DCUN1D4: variants seen among roughly 807,000 people sequenced by gnomAD.
DCUN1D4 encodes defective in cullin neddylation 1 domain containing 4, also known as DCN1-like protein 4.
Under a neutral mutation model 47.9 loss-of-function variants are expected in DCUN1D4, and 22 were observed. The observed-to-expected ratio is 0.46, with a 90% CI of 0.33 to 0.66. The LOEUF (loss-of-function observed/expected upper bound fraction) is 0.66, where lower values mean the gene tolerates loss of function less well. Ranked by LOEUF, DCUN1D4 falls within the 30% of genes least tolerant of loss-of-function variation. The probability of loss-of-function intolerance (pLI) is 0.02; values close to 1 mark genes in which losing one functional copy is unlikely to be tolerated. For missense variants in DCUN1D4, 301 were observed against 340.8 expected, an observed-to-expected ratio of 0.88 and a Z score of 0.92; for synonymous variants, 121 against 112.2, an observed-to-expected ratio of 1.08 and a Z score of -0.50.
At chr4:51,867,929 G>T (rs555947501) in intron 3 of DCUN1D4, among the ~76,000 whole-genome samples, 1 of 152,352 alleles carries the variant, frequency 6.6e-6, no homozygotes, top group Non-Finnish European at 1.5e-5. Flanking sequence ...GCACCTGCAG[G>T]TCTGCGCCAA....
intron 3 of DCUN1D4, among the ~76,000 whole-genome samples, chr4:51,866,757 C>T (rs749563927): frequency 3.3e-5 from 5 of 152,160 alleles, no homozygotes; most frequent in Admixed American, 6.5e-5. Context: ...TTCAGTTAAA[C>T]GAAAGTATAC....
intron 7 of DCUN1D4, among the ~76,000 whole-genome samples, chr4:51,894,120 C>T (rs1228828099): frequency 1.3e-5 from 2 of 152,132 alleles, no homozygotes. Context: ...GTGATTGCCA[C>T]TTGATCCTTG....
At chr4:51,911,049 T>A in intron 8 of DCUN1D4, 21 bp from the exon 9 acceptor site, 1 of 1,610,886 alleles carries the variant, frequency 6.2e-7, no homozygotes, top group Admixed American at 1.7e-5. Context: ...TGGCTCATCC[T>A]TGTTTTTGTT....
rs538162953 is a variant in DCUN1D4 at position 51,856,768 on chromosome 4, C to T, written c.26-6669C>T. 3.0e-4 allele frequency among the ~76,000 whole-genome samples: 46 copies of T among 152,292 alleles called. No homozygotes were observed. In the South Asian group the frequency reaches 9.3e-3, roughly 31 times the overall value. On this transcript the variant is annotated intron_variant, in intron 1 of 10. Transcript: ENST00000334635. ...TCACATGCAGTCCTGTTAGTTTTTC[C>T]TTACACTGCAATCACATTTTATATA...
intron 3 of DCUN1D4, among the ~76,000 whole-genome samples, chr4:51,869,831 G>C (rs1406942217): frequency 2.0e-5 from 3 of 152,126 alleles, no homozygotes; most frequent in Non-Finnish European, 2.9e-5. Flanking sequence ...GGGAAGAAAA[G>C]CTCTATTCAT....
In DCUN1D4 at chr4:51,901,040, G is replaced by A. The variant is rs563138883; in HGVS notation, c.615+1662G>A. ...TTGGTGCCTCCACTGCAGCCTCACCGGTGGAGGCCTTGCTTCTCCTTACCA... is the reference window on the plus strand; with the variant it reads ...TTGGTGCCTCCACTGCAGCCTCACCAGTGGAGGCCTTGCTTCTCCTTACCA... On this transcript the variant is annotated intron_variant, in intron 8 of 10. Transcript: ENST00000334635. Among the ~76,000 whole-genome samples, 44 of 152,156 alleles carry A rather than the reference G, an allele frequency of 2.9e-4. No homozygotes were observed. The East Asian group carries it at 6.2e-3, about 21-fold the overall frequency.
intron 1 of DCUN1D4, among the ~76,000 whole-genome samples, chr4:51,844,060 AGAG>A (rs1464125289): frequency 7.2e-6 from 1 of 138,850 alleles, no homozygotes; most frequent in Non-Finnish European, 1.5e-5. Flanking sequence ...ATTGGGAGGA[AGAG>A]GAGAAAAAGG....
At chr4:51,876,508 A>G (rs902562457) in intron 4 of DCUN1D4, among the ~76,000 whole-genome samples, 3 of 152,176 alleles carry the variant, frequency 2.0e-5, no homozygotes, top group Non-Finnish European at 4.4e-5. Flanking sequence ...AACATGGCAC[A>G]CGTATACATA....
chr4:51,863,874 C>T (rs182152245), intron 3 of DCUN1D4, among the ~76,000 whole-genome samples, 165 bp downstream of exon 3: 79 of 152,304 alleles, frequency 5.2e-4, no homozygotes, highest in Non-Finnish European at 9.3e-4. Flanking sequence ...CATGTTATAG[C>T]TTCTTCCCAG....
At chr4:51,901,351 A>G (rs1017213602) in intron 8 of DCUN1D4, among the ~76,000 whole-genome samples, 3 of 152,190 alleles carry the variant, frequency 2.0e-5, no homozygotes, top group Non-Finnish European at 4.4e-5. Context: ...CACGTTGTTC[A>G]TAGTAGATCC....
intron 6 of DCUN1D4, among the ~76,000 whole-genome samples, chr4:51,887,893 T>G (rs924763224): frequency 3.0e-4 from 44 of 145,990 alleles, no homozygotes; most frequent in Middle Eastern, 3.4e-3. Context: ...TTTATCTTGG[T>G]TTTTTTTTTG....
chr4:51,896,045 G>T (rs1731218809), intron 7 of DCUN1D4, among the ~76,000 whole-genome samples: 1 of 152,078 alleles, frequency 6.6e-6, no homozygotes, highest in African/African-American at 2.4e-5. Flanking sequence ...TTTCACTATT[G>T]GGGGCCAGTC....
chr4:51,841,472 G>A (rs908466376), upstream of DCUN1D4, among the ~76,000 whole-genome samples: 1 of 152,112 alleles, frequency 6.6e-6, no homozygotes, highest in African/African-American at 2.4e-5. Flanking sequence ...GTGGGGCCCC[G>A]CTGAGGTACT....
chr4:51,861,974 T>G lies in DCUN1D4; in HGVS notation c.26-1463T>G, dbSNP rs1393217846. On this transcript the variant is annotated intron_variant, in intron 1 of 10. Coordinates refer to ENST00000334635, the MANE Select transcript of DCUN1D4 (RefSeq NM_001040402.3). Reference sequence around the variant, plus strand: ...AATAGGTGTATAATACACATACTTTTCTAAACCTCTGTGCAGTCGTATTTA... The same window carrying G: ...AATAGGTGTATAATACACATACTTTGCTAAACCTCTGTGCAGTCGTATTTA... Among the ~76,000 whole-genome samples, 4 of 152,312 alleles carry G rather than the reference T, an allele frequency of 2.6e-5. No homozygotes were observed. In the East Asian group the frequency reaches 7.7e-4, roughly 29 times the overall value.
At chr4:51,846,540 C>T (rs1435036793) in intron 1 of DCUN1D4, among the ~76,000 whole-genome samples, 1 of 152,158 alleles carries the variant, frequency 6.6e-6, no homozygotes, top group Non-Finnish European at 1.5e-5. Context: ...TTCTTCCTGG[C>T]TACGTTTACA....
At chr4:51,848,561 A>C (rs574289413) in intron 1 of DCUN1D4, among the ~76,000 whole-genome samples, 1 of 152,116 alleles carries the variant, frequency 6.6e-6, no homozygotes, top group Non-Finnish European at 1.5e-5. Context: ...TAGTTGGTCA[A>C]CTCGAATTGG....
intron 1 of DCUN1D4, among the ~76,000 whole-genome samples, chr4:51,861,885 G>A (rs1000595518): frequency 1.2e-4 from 19 of 152,104 alleles, no homozygotes; most frequent in Non-Finnish European, 1.5e-5. Flanking sequence ...GCCTCTTGCT[G>A]GTGAGAGGGC....
the DCUN1D4 span, among the ~76,000 whole-genome samples, chr4:51,834,103 C>CTTTTTTTTTTTTTTTTTTTT: frequency 6.6e-4 from 28 of 42,566 alleles, 1 homozygote; most frequent in East Asian, 3.4e-3. Context: ...TTTCTTCTTT[C>CTTTTTTTTTTTTTTTTTTTT]TTTTTTTTTT....
In DCUN1D4 at chr4:51,914,823, C is replaced by CTTTTT. The variant is rs71193045; in HGVS notation, c.*1254_*1258dup. 1.1e-4 allele frequency: 13 copies of CTTTTT among 117,666 alleles called. No homozygotes were observed. The highest frequency in any genetic ancestry group is 4.0e-4 in the African/African-American group (12 of 30,110). The allele number at this position is 117,666 out of a possible 1,614,324, so 7.3% of individuals were successfully genotyped here. On this transcript the variant is annotated 3_prime_UTR_variant, in exon 11 of 11. Transcript: ENST00000334635. ...GTATTTTTAGGTTTGTATTTTATGT[C>CTTTTT]TTTTTTTTTTTTTTTTTTTGCCATT...
Sources: gnomAD v4.1 joint callset for allele counts (sites outside exome capture counted in the v4.1 genomes callset) on GRCh38, gnomAD v4.1.1 for gene constraint, MANE v1.5 for transcripts, NCBI Gene and HGNC (gene_info 2026-07-23, HGNC 2026-07-21) for gene names.